ST7: variants seen among roughly 807,000 people sequenced by gnomAD.
The protein encoded by ST7 is suppressor of tumorigenicity 7 protein.
In ST7, 28 loss-of-function variants were observed where a neutral mutation model predicts 78.7. The ratio of observed to expected loss-of-function variants is 0.36; its 90% CI spans 0.26 to 0.49. The LOEUF (loss-of-function observed/expected upper bound fraction) is 0.49. Among genes scored for constraint, ST7 ranks in the 20% least tolerant of loss-of-function variants. The pLI, the probability that ST7 is intolerant of heterozygous loss-of-function variation, is 0.99. For synonymous variants in ST7, 247 were observed against 249.6 expected (o/e 0.99, Z 0.10); for missense variants, 418 against 696.0 (o/e 0.60, Z 4.49).
At chr7:117,056,747 G>A (rs1005325297) in intron 1 of ST7, among the ~76,000 whole-genome samples, 4 of 152,094 alleles carry the variant, frequency 2.6e-5, no homozygotes, top group African/African-American at 9.7e-5. Flanking sequence ...AAGAAATATA[G>A]CCAATCTATT....
At chr7:117,191,592 G>GTGTATTTATTATTTACC (rs967337058) in intron 12 of ST7, 1 of 152,086 alleles carries the variant, frequency 6.6e-6, no homozygotes, top group African/African-American at 2.4e-5. Flanking sequence ...GGAGATGAAT[G>GTGTATTTATTATTTACC]TGTATTTATT....
At chr7:117,009,244 C>T (rs1795277014) in intron 1 of ST7, among the ~76,000 whole-genome samples, 1 of 138,938 alleles carries the variant, frequency 7.2e-6, no homozygotes, top group Admixed American at 7.9e-5. Flanking sequence ...AAGAACTTCT[C>T]CACTTTTTTT....
At chr7:116,969,104 A>G (rs775656347) in intron 1 of ST7, among the ~76,000 whole-genome samples, 14 of 152,168 alleles carry the variant, frequency 9.2e-5, no homozygotes, top group Non-Finnish European at 2.1e-4. Flanking sequence ...CAAAAAAACT[A>G]TTTTTTAGAA....
chr7:117,106,287 C>A (rs571316911), intron 2 of ST7, among the ~76,000 whole-genome samples: 1 of 152,048 alleles, frequency 6.6e-6, no homozygotes, highest in African/African-American at 2.4e-5. Flanking sequence ...CGTGAGCCAC[C>A]GCACCCGGCC....
At position 117,153,388 on chromosome 7, in the gene ST7, A is replaced by C. The variant is rs150159026; in HGVS notation, c.963+14856A>C. Among the ~76,000 whole-genome samples, 841 of 152,270 alleles carry C rather than the reference A, an allele frequency of 5.5e-3. 7 individuals are homozygous for C. Among genetic ancestry groups the C allele is most frequent in the African/African-American group, 0.019 (796 of 41,552 alleles). On this transcript the variant is annotated intron_variant, in intron 9 of 15. Transcript: ENST00000323984. ...AGAGGAAGTTCTGGGAAGGATCAGC[A>C]TGGGAGGTGATTTAGATAGTGAGTG...
At chr7:117,098,924 A>C in intron 1 of ST7, 1 of 1,012,116 alleles carries the variant, frequency 9.9e-7, no homozygotes. Context: ...AACCCTAATC[A>C]GTGAGCAACA....
chr7:117,082,218 G>A (rs1394605058), intron 1 of ST7, among the ~76,000 whole-genome samples: 1 of 152,192 alleles, frequency 6.6e-6, no homozygotes, highest in African/African-American at 2.4e-5. Flanking sequence ...GCTAGGGGCA[G>A]TAGTCTACCC....
chr7:116,985,130 A>C (rs1794137602), intron 1 of ST7, among the ~76,000 whole-genome samples: 1 of 152,126 alleles, frequency 6.6e-6, no homozygotes, highest in Admixed American at 6.5e-5. Context: ...ACTCATGTTC[A>C]CCTTGTTGAT....
intron 1 of ST7, among the ~76,000 whole-genome samples, chr7:116,961,954 G>T (rs556852182): frequency 1.3e-5 from 2 of 149,920 alleles, no homozygotes; most frequent in Non-Finnish European, 3.0e-5. Context: ...CCCCCTGACT[G>T]GCCCTGGTGT....
chr7:117,117,004 G>A (rs1221306527), intron 2 of ST7, among the ~76,000 whole-genome samples: 1 of 152,272 alleles, frequency 6.6e-6, no homozygotes, highest in East Asian at 1.9e-4. Context: ...GGAATGATAG[G>A]CTACATCTGT....
chr7:117,146,215 A>G (rs901332491), intron 9 of ST7: 3 of 152,200 alleles, frequency 2.0e-5, no homozygotes, highest in Non-Finnish European at 4.4e-5. Context: ...TATCACCTAC[A>G]CTTCTACAGT....
chr7:116,994,624 G>T (rs780563648), intron 1 of ST7, among the ~76,000 whole-genome samples: 1 of 151,980 alleles, frequency 6.6e-6, no homozygotes, highest in African/African-American at 2.4e-5. Flanking sequence ...ACCAATGGAC[G>T]CAATGTTTTT....
At chr7:117,072,939 T>C (rs1273294679) in intron 1 of ST7, 2 of 152,258 alleles carry the variant, frequency 1.3e-5, no homozygotes, top group East Asian at 3.8e-4. Context: ...GGGCACCTGG[T>C]AAACCACAGC....
At chr7:116,988,631 T>C (rs777526096) in intron 1 of ST7, among the ~76,000 whole-genome samples, 5 of 152,238 alleles carry the variant, frequency 3.3e-5, no homozygotes, top group Admixed American at 1.3e-4. Context: ...TTGAAATCTA[T>C]GTGATCATAG....
At chr7:117,122,999 C>T (rs973196151) in intron 3 of ST7, among the ~76,000 whole-genome samples, 1 of 152,114 alleles carries the variant, frequency 6.6e-6, no homozygotes, top group Non-Finnish European at 1.5e-5. Flanking sequence ...TACAAATTCC[C>T]ATTGCCTTCA....
intron 2 of ST7, among the ~76,000 whole-genome samples, chr7:117,114,071 C>A (rs1321397299): frequency 6.6e-6 from 1 of 152,010 alleles, no homozygotes; most frequent in Non-Finnish European, 1.5e-5. Flanking sequence ...GCCACAAAGG[C>A]GGGTGGAAGG....
At chr7:117,213,669 A>G (rs995486367) in intron 13 of ST7, among the ~76,000 whole-genome samples, 10 of 152,190 alleles carry the variant, frequency 6.6e-5, no homozygotes, top group African/African-American at 2.4e-4. Flanking sequence ...TGAATCCTCA[A>G]CCACAAATAC....
At chr7:117,171,269 C>CAGG (rs1807970044) in intron 10 of ST7, among the ~76,000 whole-genome samples, 1 of 152,132 alleles carries the variant, frequency 6.6e-6, no homozygotes, top group Non-Finnish European at 1.5e-5. Context: ...CCTCTGCGGT[C>CAGG]AGGAATCACC....
chr7:117,003,063 A>G (rs1795012633), intron 1 of ST7, among the ~76,000 whole-genome samples: 1 of 151,904 alleles, frequency 6.6e-6, no homozygotes, highest in East Asian at 1.9e-4. Context: ...CCCTCAGGTG[A>G]TCCACCTGCC....
Sources: allele counts gnomAD v4.1 joint callset (sites outside exome capture counted in the v4.1 genomes callset), GRCh38; gene constraint gnomAD v4.1.1; transcripts MANE v1.5; gene names NCBI Gene and HGNC (gene_info 2026-07-23, HGNC 2026-07-21).